The following PPFIA2 variants were observed in gnomAD, a reference collection of about 807,000 sequenced individuals.
PPFIA2 encodes the protein liprin-alpha-2.
A neutral mutation model predicts 175.5 loss-of-function variants in PPFIA2; 46 were observed. The observed-to-expected ratio is 0.26, with a 90% CI of 0.21 to 0.34. The LOEUF (loss-of-function observed/expected upper bound fraction) is 0.34, where lower values mean the gene tolerates loss of function less well. Among genes scored for constraint, PPFIA2 ranks in the 10% least tolerant of loss-of-function variants. The pLI is 1.00. For synonymous variants in PPFIA2, 568 were observed against 511.4 expected (o/e 1.11, Z -1.49); for missense variants, 1,179 against 1,506.1 (o/e 0.78, Z 3.60).
chr12:81,268,343 T>G (rs1404432668), intron 28 of PPFIA2, among the ~76,000 whole-genome samples: 1 of 151,530 alleles, frequency 6.6e-6, no homozygotes, highest in Admixed American at 6.6e-5. Context: ...TTTCACCGTT[T>G]TAGCCGGGAT....
intron 4 of PPFIA2, among the ~76,000 whole-genome samples, chr12:81,640,480 G>T (rs1225244430): frequency 6.6e-6 from 1 of 152,106 alleles, no homozygotes; most frequent in East Asian, 1.9e-4. Flanking sequence ...AGTTTTGGCT[G>T]CTTGCTCTTT....
intron 5 of PPFIA2, 95 bp from the exon 6 acceptor site, chr12:81,445,815 G>A: frequency 8.4e-7 from 1 of 1,187,064 alleles, no homozygotes; most frequent in East Asian, 2.6e-5. Context: ...GGCTTACATA[G>A]TATCTAATGT....
intron 3 of PPFIA2, among the ~76,000 whole-genome samples, chr12:81,701,284 G>A (rs1248373433): frequency 6.6e-6 from 1 of 152,140 alleles, no homozygotes. Flanking sequence ...TGTAACTGCT[G>A]CTATTACTGC....
At chr12:81,666,376 G>T (rs2070282879) in intron 4 of PPFIA2, among the ~76,000 whole-genome samples, 1 of 152,148 alleles carries the variant, frequency 6.6e-6, no homozygotes, top group Non-Finnish European at 1.5e-5. Context: ...ATCCAACAAT[G>T]ATAGACTGGA....
chr12:81,757,814 T>C (rs1352773986), intron 2 of PPFIA2, among the ~76,000 whole-genome samples: 1 of 152,200 alleles, frequency 6.6e-6, no homozygotes, highest in Non-Finnish European at 1.5e-5. Context: ...CTTTATTTAA[T>C]CATATCACTA....
intron 4 of PPFIA2, among the ~76,000 whole-genome samples, chr12:81,651,292 A>G (rs2066985800): frequency 6.6e-6 from 1 of 152,192 alleles, no homozygotes; most frequent in African/African-American, 2.4e-5. Flanking sequence ...GAGATAAATG[A>G]GAGCAGTAAC....
At chr12:81,322,701 C>G (rs1233630125) in intron 22 of PPFIA2, among the ~76,000 whole-genome samples, 1 of 152,044 alleles carries the variant, frequency 6.6e-6, no homozygotes, top group African/African-American at 2.4e-5. Flanking sequence ...CTAGGCAGAG[C>G]AACAATAGAT....
chr12:81,668,254 C>T (rs2070738891), intron 4 of PPFIA2, among the ~76,000 whole-genome samples: 2 of 152,064 alleles, frequency 1.3e-5, no homozygotes, highest in Admixed American at 1.3e-4. Context: ...TATTATCCTT[C>T]TACTTCATCA....
intron 3 of PPFIA2, among the ~76,000 whole-genome samples, chr12:81,710,689 T>C (rs1369536704): frequency 6.6e-6 from 1 of 152,074 alleles, no homozygotes; most frequent in Non-Finnish European, 1.5e-5. Context: ...CTTATACACA[T>C]AGAACTGAGA....
intron 4 of PPFIA2, among the ~76,000 whole-genome samples, chr12:81,620,037 G>A (rs2061864013): frequency 6.6e-6 from 1 of 151,610 alleles, no homozygotes; most frequent in African/African-American, 2.4e-5. Flanking sequence ...GCGGGTGCCT[G>A]TAGTCCCAGC....
chr12:81,643,225 G>A (rs539592675), intron 4 of PPFIA2, among the ~76,000 whole-genome samples: 7 of 151,576 alleles, frequency 4.6e-5, no homozygotes, highest in Non-Finnish European at 1.0e-4. Context: ...ATTATGATTT[G>A]AAACTCATTC....
At chr12:81,408,315 A>G (rs1393076368) in intron 7 of PPFIA2, among the ~76,000 whole-genome samples, 1 of 152,328 alleles carries the variant, frequency 6.6e-6, no homozygotes, top group East Asian at 1.9e-4. Flanking sequence ...ATATTCAAGT[A>G]TCATTTGTTG....
intron 5 of PPFIA2, among the ~76,000 whole-genome samples, chr12:81,454,135 C>T (rs2053164998): frequency 6.6e-6 from 1 of 152,086 alleles, no homozygotes. Flanking sequence ...GGGAAGATCA[C>T]CTGAGTCCAG....
intron 3 of PPFIA2, among the ~76,000 whole-genome samples, chr12:81,753,394 T>A (rs2084144039): frequency 6.6e-6 from 1 of 152,054 alleles, no homozygotes; most frequent in Non-Finnish European, 1.5e-5. Context: ...TAGTGAGGCT[T>A]AACTTTTTCC....
At chr12:81,515,505 T>C (rs1377273919) in intron 4 of PPFIA2, among the ~76,000 whole-genome samples, 1 of 152,078 alleles carries the variant, frequency 6.6e-6, no homozygotes, top group African/African-American at 2.4e-5. Context: ...TTATCATCAA[T>C]TTCTCTTTCT....
At chr12:81,661,039 T>C (rs2068751166) in intron 4 of PPFIA2, among the ~76,000 whole-genome samples, 1 of 152,286 alleles carries the variant, frequency 6.6e-6, no homozygotes, top group African/African-American at 2.4e-5. Flanking sequence ...AAAGAGCTCC[T>C]GAAGGAAGCA....
chr12:81,592,676 G>T (rs2153446411), intron 4 of PPFIA2, among the ~76,000 whole-genome samples: 1 of 152,218 alleles, frequency 6.6e-6, no homozygotes, highest in Admixed American at 6.5e-5. Context: ...CACCGTGATT[G>T]TGAGGCCTCC....
chr12:81,584,761 TA>T (rs1280005854), intron 4 of PPFIA2, among the ~76,000 whole-genome samples: 5 of 140,876 alleles, frequency 3.5e-5, no homozygotes, highest in Non-Finnish European at 6.0e-5. Flanking sequence ...ATATGGTAAA[TA>T]TATAGCATAA....
chr12:81,312,044 C>A (rs2051038216), intron 22 of PPFIA2: 1 of 907,280 alleles, frequency 1.1e-6, no homozygotes, highest in Non-Finnish European at 1.7e-6. Flanking sequence ...ATTTTCATTT[C>A]AGGTCAGAGG....
Sources: allele counts gnomAD v4.1 joint callset (sites outside exome capture counted in the v4.1 genomes callset), GRCh38; gene constraint gnomAD v4.1.1; transcripts MANE v1.5; gene names NCBI Gene and HGNC (gene_info 2026-07-23, HGNC 2026-07-21).